The following TMPRSS11F variants were observed in gnomAD, a reference collection of about 807,000 sequenced individuals.
TMPRSS11F encodes transmembrane serine protease 11F, also known as transmembrane protease serine 11F.
TMPRSS11F carries 47 observed loss-of-function variants against 60.2 expected under a neutral mutation model. The ratio of observed to expected loss-of-function variants is 0.78; its 90% CI spans 0.62 to 1.00. The LOEUF is 1.00. TMPRSS11F is among the 50% of genes least tolerant of loss of function. The pLI, the probability that TMPRSS11F is intolerant of heterozygous loss-of-function variation, is 0.00. For synonymous variants in TMPRSS11F, 166 were observed against 167.3 expected (o/e 0.99, Z 0.06); for missense variants, 519 against 522.9 (o/e 0.99, Z 0.07).
intron 1 of TMPRSS11F, among the ~76,000 whole-genome samples, chr4:68,127,175 G>A (rs114800748): frequency 0.023 from 3,428 of 152,190 alleles, 66 homozygotes; most frequent in Admixed American, 0.055. Context: ...ACATCTATTT[G>A]TGAGTGTATC....
chr4:68,080,472 A>G (rs374004037), intron 3 of TMPRSS11F: 43 of 152,388 alleles, frequency 2.8e-4, no homozygotes, highest in African/African-American at 9.9e-4. Context: ...TCACACCTGC[A>G]CTTCTCCAGA....
At chr4:68,091,719 C>A (rs1262117298) in intron 2 of TMPRSS11F, among the ~76,000 whole-genome samples, 2 of 150,972 alleles carry the variant, frequency 1.3e-5, no homozygotes, top group Non-Finnish European at 2.9e-5. Flanking sequence ...GTCTTTAAAT[C>A]CTGTAACTAT....
intron 1 of TMPRSS11F, among the ~76,000 whole-genome samples, chr4:68,115,377 AAAAAAG>A (rs1724498127): frequency 1.3e-5 from 2 of 150,684 alleles, no homozygotes; most frequent in Non-Finnish European, 3.0e-5. Context: ...AAAAAAAAAA[AAAAAAG>A]AAGAAGAAGA....
At chr4:68,114,987 AT>A (rs1411493973) in intron 1 of TMPRSS11F, among the ~76,000 whole-genome samples, 4 of 41,046 alleles carry the variant, frequency 9.7e-5, no homozygotes, top group East Asian at 9.3e-4. Context: ...TTAATTCATT[AT>A]TTAAAAAAAA....
intron 9 of TMPRSS11F, among the ~76,000 whole-genome samples, chr4:68,056,285 C>A (rs1227365793): frequency 6.6e-6 from 1 of 151,702 alleles, no homozygotes; most frequent in South Asian, 2.1e-4. Flanking sequence ...ACCCTAAAAC[C>A]AACAAAAAGC....
intron 1 of TMPRSS11F, among the ~76,000 whole-genome samples, chr4:68,121,010 AT>A (rs1724615833): frequency 6.6e-6 from 1 of 152,218 alleles, no homozygotes; most frequent in Non-Finnish European, 1.5e-5. Flanking sequence ...GGCACTCACT[AT>A]TGTGATATTC....
intron 8 of TMPRSS11F, among the ~76,000 whole-genome samples, chr4:68,060,332 C>A (rs1723136289): frequency 6.7e-6 from 1 of 149,708 alleles, no homozygotes; most frequent in Non-Finnish European, 1.5e-5. Flanking sequence ...ACGGTGAAAC[C>A]CTGTCTCTAC....
intron 1 of TMPRSS11F, among the ~76,000 whole-genome samples, chr4:68,126,041 T>TATCAAAGTCA (rs1242976353): frequency 6.6e-6 from 1 of 152,178 alleles, no homozygotes; most frequent in African/African-American, 2.4e-5. Flanking sequence ...TACAAAATGT[T>TATCAAAGTCA]TACTTCATAC....
At chr4:68,103,310 G>A (rs2109874801) in intron 1 of TMPRSS11F, among the ~76,000 whole-genome samples, 1 of 152,156 alleles carries the variant, frequency 6.6e-6, no homozygotes, top group Admixed American at 6.5e-5. Flanking sequence ...GTCAGTTGTG[G>A]TGGCACATGC....
At chr4:68,058,658 A>G (rs1170120274) in intron 9 of TMPRSS11F, among the ~76,000 whole-genome samples, 2 of 152,232 alleles carry the variant, frequency 1.3e-5, no homozygotes, top group Non-Finnish European at 2.9e-5. Context: ...AAGGCTGAGG[A>G]GAAAAATAGA....
chr4:68,084,726 T>TTA (rs200071313), intron 3 of TMPRSS11F, among the ~76,000 whole-genome samples: 5,398 of 150,742 alleles, frequency 0.036, 269 homozygotes, highest in African/African-American at 0.11. Context: ...ATTTATTTAT[T>TTA]TTTTTATGTT....
chr4:68,125,592 C>A (rs149962231), intron 1 of TMPRSS11F, among the ~76,000 whole-genome samples: 19 of 152,190 alleles, frequency 1.2e-4, no homozygotes, highest in East Asian at 9.6e-4. Context: ...AAATAATGAA[C>A]CCTTATAATG....
In TMPRSS11F at chr4:68,064,661, G is replaced by GA. The variant is rs748713344; in HGVS notation, c.1015+23dup. On this transcript the variant is annotated intron_variant, in intron 8 of 9. Coordinates refer to ENST00000356291, the MANE Select transcript of TMPRSS11F (RefSeq NM_207407.2). Reference sequence around the variant, plus strand: ...TGATCTCAAGACATTCTTGTGCTAAGAAAATTAGGTTGAAACTGCTCACCA... The same window carrying GA: ...TGATCTCAAGACATTCTTGTGCTAAGAAAAATTAGGTTGAAACTGCTCACCA... 37 of 1,606,884 alleles carry GA rather than the reference G, an allele frequency of 2.3e-5. No individual in the cohort carries two copies. The African/African-American group carries it at 4.4e-4, about 19-fold the overall frequency.
chr4:68,086,859 C>G (rs747249358), intron 3 of TMPRSS11F, among the ~76,000 whole-genome samples: 2 of 152,082 alleles, frequency 1.3e-5, no homozygotes, highest in Non-Finnish European at 2.9e-5. Context: ...ATAATGAGTT[C>G]TGAAACTAAA....
At chr4:68,060,430 G>A (rs553464876) in intron 8 of TMPRSS11F, among the ~76,000 whole-genome samples, 4 of 147,090 alleles carry the variant, frequency 2.7e-5, no homozygotes, top group East Asian at 2.0e-4. Context: ...GCAGGAGAAC[G>A]GCGTGAACCT....
intron 3 of TMPRSS11F, among the ~76,000 whole-genome samples, chr4:68,082,334 A>G (rs899722227): frequency 9.2e-5 from 14 of 152,194 alleles, no homozygotes; most frequent in African/African-American, 3.4e-4. Flanking sequence ...GCCTGCATGG[A>G]CCCCAGAGGG....
At chr4:68,056,962 T>A (rs182058155) in intron 9 of TMPRSS11F, among the ~76,000 whole-genome samples, 1 of 152,292 alleles carries the variant, frequency 6.6e-6, no homozygotes, top group African/African-American at 2.4e-5. Context: ...CAATAAATGG[T>A]GCTGGGAAAA....
chr4:68,072,266 AAG>A (rs1295681937), intron 5 of TMPRSS11F, 55 bp downstream of exon 5: 1 of 592,354 alleles, frequency 1.7e-6, no homozygotes, highest in Non-Finnish European at 2.2e-6. Context: ...ACAAAAATTA[AAG>A]AGGGTTGTAA....
chr4:68,108,008 C>G (rs1011375290), intron 1 of TMPRSS11F, among the ~76,000 whole-genome samples: 2 of 152,150 alleles, frequency 1.3e-5, no homozygotes, highest in African/African-American at 4.8e-5. Flanking sequence ...AAGGATCACC[C>G]TGTGGATAAT....
Sources: allele counts gnomAD v4.1 joint callset (sites outside exome capture counted in the v4.1 genomes callset), GRCh38; gene constraint gnomAD v4.1.1; transcripts MANE v1.5; gene names NCBI Gene and HGNC (gene_info 2026-07-23, HGNC 2026-07-21).